EXOC6B: variants seen among roughly 807,000 people sequenced by gnomAD.
The protein encoded by EXOC6B is SEC15 homolog B.
Under a neutral mutation model 113.5 loss-of-function variants are expected in EXOC6B, and 54 were observed. The ratio of observed to expected loss-of-function variants is 0.48; its 90% CI spans 0.38 to 0.60. The LOEUF is 0.60. Among genes scored for constraint, EXOC6B ranks in the 20% least tolerant of loss-of-function variants. The pLI is 0.00. For missense variants in EXOC6B, 797 were observed against 977.5 expected, an observed-to-expected ratio of 0.82 and a Z score of 2.46; for synonymous variants, 357 against 339.0, an observed-to-expected ratio of 1.05 and a Z score of -0.58.
chr2:72,760,448 G>T (rs910962750), intron 1 of EXOC6B: 1 of 152,274 alleles, frequency 6.6e-6, no homozygotes, highest in African/African-American at 2.4e-5. Flanking sequence ...CTTAGATCAA[G>T]AAATCAACTA....
At chr2:72,347,704 GTA>G (rs1689418227) in intron 19 of EXOC6B, among the ~76,000 whole-genome samples, 1 of 152,018 alleles carries the variant, frequency 6.6e-6, no homozygotes, top group Non-Finnish European at 1.5e-5. Context: ...TCAAAATCCA[GTA>G]TGTACTTTAC....
intron 6 of EXOC6B, among the ~76,000 whole-genome samples, chr2:72,682,027 A>ATC (rs112745780): frequency 7.6e-4 from 112 of 148,342 alleles, no homozygotes; most frequent in Admixed American, 1.5e-3. Context: ...AACTAATACA[A>ATC]TCTCTCTCTC....
chr2:72,310,632 TA>T (rs199701285), intron 20 of EXOC6B, among the ~76,000 whole-genome samples: 31 of 150,780 alleles, frequency 2.1e-4, no homozygotes, highest in South Asian at 1.3e-3. Context: ...AAGTTTTTAA[TA>T]AAAAAAAAGC....
At chr2:72,584,161 A>C (rs557736043) in intron 6 of EXOC6B, among the ~76,000 whole-genome samples, 1 of 152,326 alleles carries the variant, frequency 6.6e-6, no homozygotes, top group African/African-American at 2.4e-5. Context: ...TTTCAATATT[A>C]ACTTTGAATA....
intron 6 of EXOC6B, among the ~76,000 whole-genome samples, chr2:72,617,085 T>C (rs911704536): frequency 6.6e-6 from 1 of 152,156 alleles, no homozygotes; most frequent in Admixed American, 6.5e-5. Flanking sequence ...GGCAGTCAAA[T>C]CTTAAAGCTC....
intron 20 of EXOC6B, among the ~76,000 whole-genome samples, chr2:72,193,079 A>G (rs1361601808): frequency 2.6e-5 from 4 of 152,182 alleles, no homozygotes; most frequent in African/African-American, 9.7e-5. Flanking sequence ...TAATTACATC[A>G]TTATAAAGTA....
chr2:72,802,321 T>A (rs1391288094), intron 1 of EXOC6B, among the ~76,000 whole-genome samples: 6 of 147,734 alleles, frequency 4.1e-5, no homozygotes, highest in African/African-American at 1.5e-4. Flanking sequence ...CAAGACTCTG[T>A]CTCAAAAAAA....
intron 20 of EXOC6B, among the ~76,000 whole-genome samples, chr2:72,209,760 C>G (rs570969046): frequency 6.6e-6 from 1 of 152,320 alleles, no homozygotes; most frequent in East Asian, 1.9e-4. Context: ...TAAAGGCTTA[C>G]AGCTACATCA....
At chr2:72,690,370 A>C (rs1383351434) in intron 6 of EXOC6B, among the ~76,000 whole-genome samples, 1 of 152,238 alleles carries the variant, frequency 6.6e-6, no homozygotes, top group Admixed American at 6.5e-5. Flanking sequence ...CTTACTTTCT[A>C]AGGTAAACTA....
intron 6 of EXOC6B, among the ~76,000 whole-genome samples, chr2:72,673,055 T>C (rs1676018494): frequency 6.6e-6 from 1 of 152,150 alleles, no homozygotes; most frequent in Non-Finnish European, 1.5e-5. Context: ...AATATGTGCA[T>C]ATAATATGTA....
At chr2:72,469,240 ATTC>A (rs1698248444) in intron 17 of EXOC6B, among the ~76,000 whole-genome samples, 1 of 152,028 alleles carries the variant, frequency 6.6e-6, no homozygotes, top group South Asian at 2.1e-4. Flanking sequence ...AATTCCACCT[ATTC>A]ATCCATCCAG....
At chr2:72,517,956 T>C (rs1018039287) in intron 8 of EXOC6B, among the ~76,000 whole-genome samples, 1 of 152,224 alleles carries the variant, frequency 6.6e-6, no homozygotes, top group African/African-American at 2.4e-5. Flanking sequence ...CTAATAGGTC[T>C]GGCTTCCCAT....
intron 20 of EXOC6B, among the ~76,000 whole-genome samples, chr2:72,283,033 T>C (rs1391395834): frequency 6.6e-6 from 1 of 152,130 alleles, no homozygotes; most frequent in Non-Finnish European, 1.5e-5. Context: ...TATAGAATAC[T>C]TGCCTATCAT....
intron 1 of EXOC6B, among the ~76,000 whole-genome samples, chr2:72,754,955 AT>A (rs968164912): frequency 1.4e-4 from 22 of 151,766 alleles, no homozygotes; most frequent in South Asian, 4.2e-4. Context: ...TTAAAAATCT[AT>A]TTTTTTTAAT....
rs147993032 is a variant in EXOC6B at position 72,310,884 on chromosome 2, C to CACACACACAT, written c.2196+24062_2196+24063insATGTGTGTGT. Among the ~76,000 whole-genome samples, 1,056 of 149,432 alleles carry CACACACACAT rather than the reference C, an allele frequency of 7.1e-3. 21 individuals are homozygous for CACACACACAT. Among genetic ancestry groups the CACACACACAT allele is most frequent in the African/African-American group, 0.021 (831 of 39,860 alleles). ...ACACACACACACACACACACACACA[C>CACACACACAT]ACACAGAGCTAGTATTAATATTATA... On this transcript the variant is annotated intron_variant, in intron 20 of 21. Transcript: ENST00000272427.
intron 18 of EXOC6B, among the ~76,000 whole-genome samples, chr2:72,388,938 T>A (rs1338372735): frequency 6.6e-6 from 1 of 152,122 alleles, no homozygotes; most frequent in African/African-American, 2.4e-5. Context: ...CCAATCTATG[T>A]CTTTATACAT....
At chr2:72,717,182 C>G (rs1043488255) in intron 6 of EXOC6B, among the ~76,000 whole-genome samples, 4 of 152,106 alleles carry the variant, frequency 2.6e-5, no homozygotes, top group Non-Finnish European at 5.9e-5. Context: ...GAAAGGGTAA[C>G]TGGAGAATCT....
rs1307005053 is a variant in EXOC6B, at chr2:72,802,699, T to TG, written c.113+23098_113+23099insC. On this transcript the variant is annotated intron_variant, in intron 1 of 21. Coordinates refer to ENST00000272427, the MANE Select transcript of EXOC6B (RefSeq NM_015189.3). Reference sequence around the variant, plus strand: ...TCATCTTGGGAAAAAAATTCTAAGATTCCAATAGTTTTCTCAAAGACCTAA... The same window carrying TG: ...TCATCTTGGGAAAAAAATTCTAAGATGTCCAATAGTTTTCTCAAAGACCTAA... 2.0e-5 allele frequency among the ~76,000 whole-genome samples: 3 copies of TG among 152,144 alleles called. No individual in the cohort carries two copies. In the East Asian group the frequency reaches 5.8e-4, roughly 29 times the overall value.
rs184785855 is a variant in EXOC6B, at chr2:72,678,400, G to A, written c.669+39703C>T. Among the ~76,000 whole-genome samples the A allele has an allele frequency of 2.1e-3, 316 of 152,314 alleles. 4 individuals are homozygous for A. Among genetic ancestry groups the A allele is most frequent in the Non-Finnish European group, 4.7e-4 (32 of 68,024 alleles). On this transcript the variant is annotated intron_variant, in intron 6 of 21. Transcript: ENST00000272427. ...TAGAGGTCCACCAGGAAGGAGATAT[G>A]TCTGCTTATTAAGGAACTGGGGCAG...
Sources: allele counts gnomAD v4.1 joint callset (sites outside exome capture counted in the v4.1 genomes callset), GRCh38; gene constraint gnomAD v4.1.1; transcripts MANE v1.5; gene names NCBI Gene and HGNC (gene_info 2026-07-23, HGNC 2026-07-21).